CCDC82: variants seen among roughly 807,000 people sequenced by gnomAD.
CCDC82 encodes coiled-coil domain-containing protein 82.
In CCDC82, 47 loss-of-function variants were observed where a neutral mutation model predicts 60.6. The ratio of observed to expected loss-of-function variants is 0.77; its 90% CI spans 0.61 to 0.99. The LOEUF is 0.99. CCDC82 is among the 50% of genes least tolerant of loss of function. CCDC82 has a pLI of 0.00. For synonymous variants in CCDC82, 212 were observed against 207.4 expected (o/e 1.02, Z -0.19); for missense variants, 588 against 633.0 (o/e 0.93, Z 0.76).
At chr11:96,386,797 C>T (rs189594114) in intron 2 of CCDC82, 2 of 152,326 alleles carry the variant, frequency 1.3e-5, no homozygotes, top group East Asian at 3.9e-4. Context: ...TGGGTTGCAT[C>T]TTACAAAAGG....
rs201175990 is a variant in CCDC82, at chr11:96,384,667, C to T, written c.81G>A (p.Arg27=). 1 of 1,613,372 alleles carries T rather than the reference C, an allele frequency of 6.2e-7. No individual in the cohort carries two copies. Among genetic ancestry groups the T allele is most frequent in the African/African-American group, 1.3e-5 (1 of 74,988 alleles). The change falls in exon 4 of 10, where the codon AGG becomes AGA. Residue 27 remains arginine, a synonymous_variant. Transcript: ENST00000646818. ...GTGAGATACTACTTCTTTTAGTTCG[C>T]CTCCAATCAACTCGAGATTTCTGCT... The part of the protein sequence containing the change: ...VPEQKSRVDW[R]RTKRSSISQL...
intron 9 of CCDC82, chr11:96,357,870 T>C (rs1409933865): frequency 3.0e-6 from 3 of 985,126 alleles, no homozygotes; most frequent in Non-Finnish European, 1.2e-6. Context: ...GTAGGAGAAG[T>C]AGAAGCAAAG....
rs138162597 is a variant in CCDC82 at position 96,375,886 on chromosome 11, A to G, written c.992-2419T>C. Among the ~76,000 whole-genome samples the G allele has an allele frequency of 8.7e-3, 1,333 of 152,366 alleles. 19 individuals carry two copies. Among genetic ancestry groups the G allele is most frequent in the Admixed American group, 0.034 (525 of 15,310 alleles). On this transcript the variant is annotated intron_variant, in intron 5 of 9. Transcript: ENST00000646818. ...CAAAATAACTTATCCAAGGTGACAT[A>G]ACTAGACGGAGGCAAAATAAGGCTT...
At chr11:96,353,865 T>C (rs939053314) in intron 9 of CCDC82, 151 bp from the exon 10 acceptor site, 1 of 556,792 alleles carries the variant, frequency 1.8e-6, no homozygotes, top group Non-Finnish European at 3.2e-6. Context: ...TAATTTCAAA[T>C]AAGCATTCCT....
chr11:96,370,298 T>A (rs1296051692), intron 7 of CCDC82, among the ~76,000 whole-genome samples: 2 of 152,104 alleles, frequency 1.3e-5, no homozygotes, highest in Admixed American at 6.5e-5. Context: ...ATATAGAATG[T>A]TAGAAGTAAC....
chr11:96,363,294 A>AT (rs1365430860), intron 8 of CCDC82: 1 of 152,072 alleles, frequency 6.6e-6, no homozygotes, highest in Non-Finnish European at 1.5e-5. Context: ...AACTAGGTTT[A>AT]TTTTCTCTCC....
In CCDC82 at chr11:96,359,029, A is replaced by G. The variant is rs1193188209; in HGVS notation, c.1530T>C (p.Ile510=). 2 of 1,609,564 alleles carry G rather than the reference A, an allele frequency of 1.2e-6. No homozygotes were observed. The highest frequency in any genetic ancestry group is 4.5e-5 in the East Asian group (2 of 44,526). The stretch of plus-strand genomic sequence containing the variant: ...AGCCATTTTCTTTTGACCGCCTGAA[A>G]ATTCTTTCCACTGTTTCTTTAACTT... ...DEQVKETVER[I]FRRSKENGWI... The change falls in exon 9 of 10, where the codon ATT becomes ATC. Residue 510 remains isoleucine, a synonymous_variant. Coordinates refer to ENST00000646818, the MANE Select transcript of CCDC82 (RefSeq NM_024725.4).
chr11:96,377,115 C>T (rs1426173487), intron 5 of CCDC82, among the ~76,000 whole-genome samples: 1 of 152,160 alleles, frequency 6.6e-6, no homozygotes, highest in East Asian at 1.9e-4. Context: ...TTTTGATGTA[C>T]TTTCTTCTGG....
chr11:96,356,471 C>T (rs1332505609), intron 9 of CCDC82: 2 of 985,346 alleles, frequency 2.0e-6, no homozygotes, highest in Non-Finnish European at 2.4e-6. Flanking sequence ...GCTTTCTTTA[C>T]TACCTGGTGT....
chr11:96,383,165 G>C (rs1865968191), intron 5 of CCDC82, 104 bp downstream of exon 5: 2 of 723,648 alleles, frequency 2.8e-6, no homozygotes, highest in African/African-American at 1.8e-5. Flanking sequence ...TGAAACCACA[G>C]TTTCTAGTCA....
At chr11:96,379,660 A>G (rs1231103166) in intron 5 of CCDC82, among the ~76,000 whole-genome samples, 2 of 151,900 alleles carry the variant, frequency 1.3e-5, no homozygotes, top group African/African-American at 4.8e-5. Flanking sequence ...TGGCCAATGC[A>G]TAAAATTACA....
At chr11:96,363,571 A>G (rs572102300) in intron 8 of CCDC82, 159 of 152,312 alleles carry the variant, frequency 1.0e-3, no homozygotes, top group African/African-American at 3.8e-3. Context: ...TTATTTTTCA[A>G]CTTCATGATT....
rs1864864975 is a variant in CCDC82 at position 96,364,968 on chromosome 11, G to A, written c.1380+12C>T. ...TAAATACTGAAAATTAAGATTAGAGGGAAGAAAATACCTGTTTATCATGTG... is the reference window on the plus strand; with the variant it reads ...TAAATACTGAAAATTAAGATTAGAGAGAAGAAAATACCTGTTTATCATGTG... On this transcript the variant is annotated intron_variant, in intron 8 of 9. Coordinates refer to ENST00000646818, the MANE Select transcript of CCDC82 (RefSeq NM_024725.4). 1 of 1,580,192 alleles carries A rather than the reference G, an allele frequency of 6.3e-7. No individual in the cohort carries two copies. Among genetic ancestry groups the A allele is most frequent in the South Asian group, 1.2e-5 (1 of 83,342 alleles).
chr11:96,379,392 T>C (rs1249174256), intron 5 of CCDC82, among the ~76,000 whole-genome samples: 1 of 151,866 alleles, frequency 6.6e-6, no homozygotes, highest in African/African-American at 2.4e-5. Context: ...ATGTCCAATA[T>C]TTCTCTGAGT....
chr11:96,357,286 G>A (rs1174061906), intron 9 of CCDC82: 1 of 985,168 alleles, frequency 1.0e-6, no homozygotes, highest in African/African-American at 1.7e-5. Context: ...TTTAAGTGGA[G>A]AAATCTCAAA....
At chr11:96,386,719 A>C (rs1048760791) in intron 2 of CCDC82, 1 of 152,188 alleles carries the variant, frequency 6.6e-6, no homozygotes. Flanking sequence ...TATAAAATAT[A>C]ATCAGCATTG....
intron 6 of CCDC82, among the ~76,000 whole-genome samples, chr11:96,371,400 G>A (rs889927089): frequency 6.6e-6 from 1 of 152,114 alleles, no homozygotes; most frequent in Admixed American, 6.5e-5. Context: ...GGCTAACACG[G>A]TGAAACCCCA....
intron 4 of CCDC82, 82 bp from the exon 5 acceptor site, chr11:96,383,555 G>T: frequency 1.2e-6 from 1 of 868,334 alleles, no homozygotes; most frequent in South Asian, 2.0e-5. Context: ...CATTAAATCT[G>T]ACAGCAAAAA....
At chr11:96,382,061 AG>A (rs1333350448) in intron 5 of CCDC82, 3 of 151,900 alleles carry the variant, frequency 2.0e-5, no homozygotes, top group Non-Finnish European at 4.4e-5. Flanking sequence ...ACATCTTTGT[AG>A]TACTCTATAG....
Sources: gnomAD v4.1 joint callset for allele counts (sites outside exome capture counted in the v4.1 genomes callset) on GRCh38, gnomAD v4.1.1 for gene constraint, MANE v1.5 for transcripts, NCBI Gene and HGNC (gene_info 2026-07-23, HGNC 2026-07-21) for gene names.